The following DNAH5 variants were observed in gnomAD, a reference collection of about 807,000 sequenced individuals.
DNAH5 encodes the protein dynein axonemal heavy chain 5, also known as axonemal beta dynein heavy chain 5.
DNAH5 carries 372 observed loss-of-function variants against 518.2 expected under a neutral mutation model. That is an observed-to-expected ratio of 0.72 (90% CI 0.66 to 0.78). DNAH5 has a LOEUF of 0.78. DNAH5 is among the 30% of genes least tolerant of loss of function. The probability of loss-of-function intolerance (pLI) is 0.00; values close to 1 mark genes in which losing one functional copy is unlikely to be tolerated. For synonymous variants in DNAH5, 2,039 were observed against 2,025.9 expected (o/e 1.01, Z -0.17); for missense variants, 5,523 against 5,687.0 (o/e 0.97, Z 0.93).
intron 12 of DNAH5, among the ~76,000 whole-genome samples, chr5:13,905,749 T>C (rs912646474): frequency 2.0e-5 from 3 of 152,188 alleles, no homozygotes; most frequent in Admixed American, 6.5e-5. Context: ...TCATACTATA[T>C]GATCCAGCAA....
intron 68 of DNAH5, among the ~76,000 whole-genome samples, chr5:13,734,056 G>A (rs1265461788): frequency 2.0e-5 from 3 of 152,076 alleles, no homozygotes; most frequent in Non-Finnish European, 4.4e-5. Flanking sequence ...ACGGTCCTGG[G>A]AGGTGAGGCC....
Position 14,008,394 on chromosome 5 carries a change from G to C in DNAH5, c.12+3254C>G, listed in dbSNP as rs1307275154. Among the ~76,000 whole-genome samples, 5 of 145,790 alleles carry C rather than the reference G, an allele frequency of 3.4e-5. No homozygotes were observed. The South Asian group carries it at 6.6e-4, about 19-fold the overall frequency. ...TTCCAGCACTTTGGGAGGCCGAGGC[G>C]GGTGGGTTACTTGAGCCCAGGAGTT... On this transcript the variant is annotated intron_variant, in intron 1 of 78. Transcript: ENST00000681290.
chr5:13,744,995 C>A (rs1021073746), intron 65 of DNAH5, among the ~76,000 whole-genome samples: 1 of 152,044 alleles, frequency 6.6e-6, no homozygotes, highest in African/African-American at 2.4e-5. Context: ...TCTTAAATTA[C>A]TTCCCATGTC....
intron 1 of DNAH5, among the ~76,000 whole-genome samples, chr5:13,959,332 C>T (rs1343236469): frequency 2.6e-5 from 4 of 152,210 alleles, no homozygotes; most frequent in Non-Finnish European, 5.9e-5. Context: ...TAATGAATCC[C>T]ACTGAAGACT....
intron 63 of DNAH5, 92 bp from the exon 64 acceptor site, chr5:13,752,381 T>C (rs1400572985): frequency 7.1e-7 from 1 of 1,410,840 alleles, no homozygotes; most frequent in African/African-American, 1.4e-5. Context: ...TAAAGCATTC[T>C]ACTGCAAGAG....
At chr5:14,004,276 A>C (rs424230) in intron 1 of DNAH5, among the ~76,000 whole-genome samples, 1 of 152,024 alleles carries the variant, frequency 6.6e-6, no homozygotes, top group Middle Eastern at 3.2e-3. Context: ...ATCAGGCCAC[A>C]TGGAGAGCAA....
intron 1 of DNAH5, among the ~76,000 whole-genome samples, chr5:13,973,051 T>C (rs1040092717): frequency 3.9e-5 from 6 of 152,094 alleles, no homozygotes; most frequent in African/African-American, 1.2e-4. Context: ...AGATTAAGGA[T>C]TCAGTGAGGG....
At chr5:13,980,083 C>A (rs765220736) in intron 1 of DNAH5, among the ~76,000 whole-genome samples, 1 of 152,104 alleles carries the variant, frequency 6.6e-6, no homozygotes, top group Non-Finnish European at 1.5e-5. Context: ...TGTGATCTAC[C>A]TGCCTCAGCC....
chr5:14,004,796 G>T (rs1784606544), intron 1 of DNAH5, among the ~76,000 whole-genome samples: 1 of 152,096 alleles, frequency 6.6e-6, no homozygotes, highest in East Asian at 1.9e-4. Flanking sequence ...GTGACTTTAG[G>T]CAACTGACTT....
intron 58 of DNAH5, among the ~76,000 whole-genome samples, chr5:13,766,712 G>A (rs1752561240): frequency 6.6e-6 from 1 of 152,112 alleles, no homozygotes; most frequent in African/African-American, 2.4e-5. Flanking sequence ...CGGGACTTGA[G>A]CAATAAGAAT....
intron 42 of DNAH5, among the ~76,000 whole-genome samples, chr5:13,817,059 A>G (rs1174421479): frequency 6.6e-6 from 1 of 151,814 alleles, no homozygotes. Context: ...ACAACTGAAC[A>G]CCAATGTCCA....
Position 13,913,786 on chromosome 5 carries a change from T to A in DNAH5, c.1493A>T (p.Asp498Val). ...GTCTTCCAGCCCTTCAATTGTGGAA[T>A]CTTGCAGGACTGAATACGTCTTGAG... ...TTLKTYSVLQ[D>V]STIEGLEDMA... The change falls in exon 11 of 79, where the codon GAT becomes GTT. Residue 498 changes from aspartate (D) to valine (V), a missense_variant. Physicochemically the swap from Asp to Val is radical, Grantham distance 152. Coordinates refer to ENST00000265104, the MANE Select transcript of DNAH5 (RefSeq NM_001369.3). 6.2e-7 allele frequency: 1 copy of A among 1,613,620 alleles called. No individual in the cohort carries two copies.
chr5:13,977,383 C>T (rs1782334249), intron 1 of DNAH5, among the ~76,000 whole-genome samples: 1 of 152,140 alleles, frequency 6.6e-6, no homozygotes, highest in Non-Finnish European at 1.5e-5. Context: ...CCTTTCTCAG[C>T]CCATTCAGGC....
chr5:13,814,462 C>T, intron 43 of DNAH5, 143 bp downstream of exon 43: 1 of 791,058 alleles, frequency 1.3e-6, no homozygotes, highest in Non-Finnish European at 2.1e-6. Flanking sequence ...TTGAATGTCC[C>T]AGTGCATTCA....
In DNAH5 at chr5:13,809,959, T is replaced by G. The variant is rs1000757673; in HGVS notation, c.7609+100A>C. On this transcript the variant is annotated intron_variant, in intron 45 of 78. Transcript: ENST00000265104. ...CGTTTTCATATCTTACAGCCAATAA[T>G]TATAAATCTCATTTAGAAAAAATAT... The G allele has an allele frequency of 9.1e-6, 11 of 1,213,012 alleles. No homozygotes were observed. The Admixed American group carries it at 2.2e-4, about 24-fold the overall frequency. The allele number at this position is 1,213,012 out of a possible 1,614,324, so 75.1% of individuals were successfully genotyped here.
chr5:13,762,625 C>G (rs1285635949), intron 60 of DNAH5, 97 bp downstream of exon 60: 1 of 1,101,234 alleles, frequency 9.1e-7, no homozygotes, highest in African/African-American at 1.5e-5. Context: ...ATCCTAACAC[C>G]AGAAGCCACA....
chr5:13,760,617 G>A (rs990118048), intron 60 of DNAH5, among the ~76,000 whole-genome samples: 12 of 152,094 alleles, frequency 7.9e-5, no homozygotes, highest in African/African-American at 1.7e-4. Context: ...TGCTATTGCC[G>A]CTAATTCATA....
chr5:13,931,255 A>G lies in DNAH5; in HGVS notation c.58-11T>C, dbSNP rs533395686. The G allele has an allele frequency of 6.2e-7, 1 of 1,614,054 alleles. No individual in the cohort carries two copies. The highest frequency in any genetic ancestry group is 2.2e-5 in the East Asian group (1 of 44,878). On this transcript the variant is annotated splice_polypyrimidine_tract_variant and intron_variant, in intron 1 of 78. Coordinates refer to ENST00000265104, the MANE Select transcript of DNAH5 (RefSeq NM_001369.3). ...TCCCTTCAGTCTTTGCTAAAAGAAA[A>G]GAATAAAAATGTTACATGGAAACTG...
chr5:13,705,480 A>C (rs1742667011), intron 76 of DNAH5, among the ~76,000 whole-genome samples: 1 of 152,188 alleles, frequency 6.6e-6, no homozygotes, highest in Admixed American at 6.5e-5. Flanking sequence ...AAGTAAAATA[A>C]ATTTTAAAAT....
Sources: allele counts gnomAD v4.1 joint callset (sites outside exome capture counted in the v4.1 genomes callset), GRCh38; gene constraint gnomAD v4.1.1; transcripts MANE v1.5; gene names NCBI Gene and HGNC (gene_info 2026-07-23, HGNC 2026-07-21).